The following CAMTA1 variants were observed in gnomAD, a reference collection of about 807,000 sequenced individuals.
CAMTA1 encodes calmodulin-binding transcription activator 1.
A neutral mutation model predicts 170.9 loss-of-function variants in CAMTA1; 27 were observed. The observed-to-expected ratio is 0.16, with a 90% CI of 0.12 to 0.22. The LOEUF is 0.22. Among genes scored for constraint, CAMTA1 ranks in the 10% least tolerant of loss-of-function variants. CAMTA1 has a pLI of 1.00. For missense variants in CAMTA1, 1,619 were observed against 2,217.2 expected, an observed-to-expected ratio of 0.73 and a Z score of 5.42; for synonymous variants, 833 against 891.5, an observed-to-expected ratio of 0.93 and a Z score of 1.17.
chr1:7,276,303 A>ATATATATATATTT, intron 5 of CAMTA1, among the ~76,000 whole-genome samples: 6 of 24,228 alleles, frequency 2.5e-4, no homozygotes, highest in African/African-American at 1.2e-3. Flanking sequence ...ATATATATAT[A>ATATATATATATTT]TTTTTTTTTT....
chr1:7,470,120 C>T (rs528169929), intron 6 of CAMTA1, among the ~76,000 whole-genome samples: 3 of 152,328 alleles, frequency 2.0e-5, no homozygotes, highest in East Asian at 3.9e-4. Context: ...AGCCATCCCT[C>T]CCCATCCCTC....
chr1:7,557,303 G>A (rs1293475584), intron 6 of CAMTA1, among the ~76,000 whole-genome samples: 5 of 144,906 alleles, frequency 3.5e-5, no homozygotes, highest in Admixed American at 6.9e-5. Context: ...ACAAGACTCC[G>A]TTCAGAAAAA....
intron 4 of CAMTA1, among the ~76,000 whole-genome samples, chr1:7,221,157 G>T (rs1415850645): frequency 6.6e-6 from 1 of 152,186 alleles, no homozygotes; most frequent in Non-Finnish European, 1.5e-5. Context: ...TCTATGAGAG[G>T]ACCTTAGGCA....
intron 5 of CAMTA1, among the ~76,000 whole-genome samples, chr1:7,283,438 C>G (rs1671799016): frequency 6.6e-6 from 1 of 152,180 alleles, no homozygotes; most frequent in Non-Finnish European, 1.5e-5. Context: ...GTGGTACTTG[C>G]ACACAGGTGA....
In CAMTA1 at chr1:7,705,065, A is replaced by G. The variant is rs530475153; in HGVS notation, c.2914+27332A>G. 2.3e-3 allele frequency among the ~76,000 whole-genome samples: 337 copies of G among 144,608 alleles called. 2 individuals are homozygous for G. The highest frequency in any genetic ancestry group is 8.5e-3 in the African/African-American group (327 of 38,654). 94.9% of individuals were successfully genotyped at this position (144,608 alleles called of 152,430 possible). On this transcript the variant is annotated intron_variant, in intron 11 of 22. Transcript: ENST00000303635. ...GTTTCTGGCGCGAGTGTGCGGGGCC[A>G]GGCCGGGAGGGCGTGCGCGGACCGG...
At chr1:7,165,770 A>G (rs1648277003) in intron 4 of CAMTA1, among the ~76,000 whole-genome samples, 1 of 152,082 alleles carries the variant, frequency 6.6e-6, no homozygotes, top group Non-Finnish European at 1.5e-5. Context: ...TACTTTTATC[A>G]CATATTTATG....
In CAMTA1 at chr1:7,561,837, C is replaced by A. The variant is rs559027915; in HGVS notation, c.511-78563C>A. On this transcript the variant is annotated intron_variant, in intron 6 of 22. Coordinates refer to ENST00000303635, the MANE Select transcript of CAMTA1 (RefSeq NM_015215.4). This position sits in a 1 kb window ranked among gnomAD's most constrained non-coding sequence, Gnocchi z 5.3. ...GACTCGGGGATGGATGAGAACGAACCCTCATCCCTGCCTGCACGCCGGCCT... is the reference window on the plus strand; with the variant it reads ...GACTCGGGGATGGATGAGAACGAACACTCATCCCTGCCTGCACGCCGGCCT... 6.6e-6 allele frequency among the ~76,000 whole-genome samples: 1 copy of A among 152,280 alleles called. No homozygotes were observed. Among genetic ancestry groups the A allele is most frequent in the African/African-American group, 2.4e-5 (1 of 41,554 alleles).
chr1:6,967,715 A>G (rs1691804795), intron 3 of CAMTA1, among the ~76,000 whole-genome samples: 2 of 152,156 alleles, frequency 1.3e-5, no homozygotes, highest in Non-Finnish European at 2.9e-5. Context: ...AGAGGAAGCA[A>G]TTGTGCATTT....
chr1:7,310,697 T>A, intron 5 of CAMTA1, among the ~76,000 whole-genome samples: 1 of 55,322 alleles, frequency 1.8e-5, no homozygotes, highest in Non-Finnish European at 3.3e-5. Flanking sequence ...TCTCTCTCTC[T>A]CTCTCTTTCT....
chr1:6,992,391 C>T (rs1319594163), intron 3 of CAMTA1, among the ~76,000 whole-genome samples: 1 of 152,126 alleles, frequency 6.6e-6, no homozygotes, highest in Non-Finnish European at 1.5e-5. Flanking sequence ...TCACTTTTTT[C>T]CCTTTCTGAT....
chr1:7,090,977 G>C (rs952858355), intron 3 of CAMTA1, among the ~76,000 whole-genome samples: 3 of 152,126 alleles, frequency 2.0e-5, no homozygotes, highest in African/African-American at 7.2e-5. Flanking sequence ...GTTGTTGTTG[G>C]CATGTGTTTT....
chr1:7,654,786 C>CA (rs2095871281), intron 7 of CAMTA1, among the ~76,000 whole-genome samples: 1 of 143,172 alleles, frequency 7.0e-6, no homozygotes. Context: ...CACACCTATA[C>CA]CCACACACCT....
intron 3 of CAMTA1, among the ~76,000 whole-genome samples, chr1:7,012,850 G>A (rs1296098292): frequency 2.0e-5 from 3 of 152,156 alleles, no homozygotes; most frequent in Admixed American, 6.5e-5. Context: ...CCATGTGCCT[G>A]CGGGCTGGAC....
In CAMTA1 at chr1:7,321,743, T is replaced by C. The variant is rs184893024; in HGVS notation, c.438+72117T>C. Among the ~76,000 whole-genome samples, 4 of 152,290 alleles carry C rather than the reference T, an allele frequency of 2.6e-5. No individual in the cohort carries two copies. The East Asian group carries it at 7.7e-4, about 29-fold the overall frequency. On this transcript the variant is annotated intron_variant, in intron 5 of 22. Transcript: ENST00000303635. Reference sequence around the variant, plus strand: ...ACATCAGGAGAGTACCTCTTCTCTATCCAATTTTTTGGTCAGGCCCACTTG... The same window carrying C: ...ACATCAGGAGAGTACCTCTTCTCTACCCAATTTTTTGGTCAGGCCCACTTG...
intron 6 of CAMTA1, among the ~76,000 whole-genome samples, chr1:7,489,842 GAC>G (rs545157842): frequency 2.8e-4 from 42 of 152,284 alleles, no homozygotes; most frequent in Admixed American, 7.2e-4. Context: ...ACGAGGGTGG[GAC>G]ATGTCCGTCC....
At chr1:7,663,327 C>A (rs367823528) in intron 8 of CAMTA1, 26 bp from the exon 9 acceptor site, 2 of 1,517,380 alleles carry the variant, frequency 1.3e-6, no homozygotes, top group African/African-American at 1.4e-5. Context: ...CGTGTGCGTG[C>A]GCGTGTTGTG....
At chr1:7,655,111 C>CCCACAT (rs2095880023) in intron 7 of CAMTA1, among the ~76,000 whole-genome samples, 1 of 85,026 alleles carries the variant, frequency 1.2e-5, no homozygotes, top group Non-Finnish European at 2.5e-5. Flanking sequence ...CCTATACACA[C>CCCACAT]ACCTATACAC....
chr1:7,565,921 GTA>G lies in CAMTA1; in HGVS notation c.511-74478_511-74477del, dbSNP rs1350071773. 6.7e-6 allele frequency among the ~76,000 whole-genome samples: 1 copy of G among 148,406 alleles called. No individual in the cohort carries two copies. Among genetic ancestry groups the G allele is most frequent in the African/African-American group, 2.6e-5 (1 of 37,908 alleles). The stretch of plus-strand genomic sequence containing the variant: ...CGCCTTCTCGCTGTGTCCTCACATA[GTA>G]GGGAGAGAGAGAGAGAGAGAGAGAG... On this transcript the variant is annotated intron_variant, in intron 6 of 22. Transcript: ENST00000303635. The surrounding 1 kb of genome is among the most constrained non-coding windows in gnomAD (Gnocchi z 4.5).
chr1:7,303,846 T>C (rs1012270424), intron 5 of CAMTA1, among the ~76,000 whole-genome samples: 14 of 152,206 alleles, frequency 9.2e-5, no homozygotes, highest in Admixed American at 2.0e-4. Context: ...AGGAGCCCTA[T>C]TGAAATCTGG....
Sources: gnomAD v4.1 joint callset for allele counts (sites outside exome capture counted in the v4.1 genomes callset) on GRCh38, gnomAD v4.1.1 for gene constraint, Gnocchi (gnomAD v3.1) non-coding constraint, MANE v1.5 for transcripts, NCBI Gene and HGNC (gene_info 2026-07-23, HGNC 2026-07-21) for gene names.